Variants in INPP5A observed in about 807,000 individuals in gnomAD.
The protein encoded by INPP5A is inositol polyphosphate-5-phosphatase A.
Under a neutral mutation model 65.2 loss-of-function variants are expected in INPP5A, and 14 were observed. The ratio of observed to expected loss-of-function variants is 0.21; its 90% CI spans 0.14 to 0.34. The LOEUF (loss-of-function observed/expected upper bound fraction) is 0.34, where lower values mean the gene tolerates loss of function less well. Among genes scored for constraint, INPP5A ranks in the 10% least tolerant of loss-of-function variants. The pLI, the probability that INPP5A is intolerant of heterozygous loss-of-function variation, is 1.00. For synonymous variants in INPP5A, 207 were observed against 208.3 expected (o/e 0.99, Z 0.05); for missense variants, 431 against 545.6 (o/e 0.79, Z 2.09).
At position 132,745,221 on chromosome 10, in the gene INPP5A, G is replaced by A. The variant is rs1035345802; in HGVS notation, c.733-4296G>A. 5.9e-5 allele frequency among the ~76,000 whole-genome samples: 9 copies of A among 152,256 alleles called. No homozygotes were observed. In the East Asian group the frequency reaches 7.7e-4, roughly 13 times the overall value. On this transcript the variant is annotated intron_variant, in intron 9 of 15. Transcript: ENST00000368594. ...AGAGGACGGGGTCCTCCATCCCCTC[G>A]CGAGCTCCTGGAGGCCACGATGCTC...
At chr10:132,731,038 C>T (rs1180527255) in intron 9 of INPP5A, among the ~76,000 whole-genome samples, 1 of 152,208 alleles carries the variant, frequency 6.6e-6, no homozygotes, top group African/African-American at 2.4e-5. Flanking sequence ...CTCAGCTGCT[C>T]CCCAGTGCAT....
At chr10:132,736,693 A>G (rs1285273962) in intron 9 of INPP5A, among the ~76,000 whole-genome samples, 1 of 152,230 alleles carries the variant, frequency 6.6e-6, no homozygotes, top group Non-Finnish European at 1.5e-5. Context: ...CCAGCAGCAT[A>G]AGCCCAGGCC....
chr10:132,750,296 G>C (rs539144905), intron 11 of INPP5A, among the ~76,000 whole-genome samples: 1 of 152,256 alleles, frequency 6.6e-6, no homozygotes, highest in African/African-American at 2.4e-5. Flanking sequence ...TAGTGCATGC[G>C]TGTGCACATG....
chr10:132,588,189 A>C (rs536560872), intron 1 of INPP5A, among the ~76,000 whole-genome samples: 2 of 152,192 alleles, frequency 1.3e-5, no homozygotes, highest in Non-Finnish European at 2.9e-5. Context: ...ATTTGATGAA[A>C]GAGGAGGATA....
At chr10:132,709,694 G>A (rs1845601926) in intron 7 of INPP5A, among the ~76,000 whole-genome samples, 1 of 152,208 alleles carries the variant, frequency 6.6e-6, no homozygotes, top group Non-Finnish European at 1.5e-5. Flanking sequence ...GCCTGTGGAG[G>A]ACACGCAGGC....
At chr10:132,681,323 G>A (rs1012468180) in intron 4 of INPP5A, among the ~76,000 whole-genome samples, 20 of 152,202 alleles carry the variant, frequency 1.3e-4, no homozygotes, top group African/African-American at 4.6e-4. Context: ...TTGTTCTTTC[G>A]CTCTTTGCAA....
At chr10:132,657,983 G>A (rs1243998372) in intron 4 of INPP5A, among the ~76,000 whole-genome samples, 6 of 152,248 alleles carry the variant, frequency 3.9e-5, no homozygotes, top group East Asian at 1.9e-4. Flanking sequence ...CTGCAGTCCC[G>A]TGGGACGCGA....
chr10:132,615,405 A>T (rs1231282292), intron 2 of INPP5A, among the ~76,000 whole-genome samples: 1 of 152,170 alleles, frequency 6.6e-6, no homozygotes, highest in Non-Finnish European at 1.5e-5. Context: ...TGGCTTTCAC[A>T]CGTGACTTTT....
chr10:132,715,776 C>A (rs894420508), intron 8 of INPP5A, among the ~76,000 whole-genome samples: 1 of 152,338 alleles, frequency 6.6e-6, no homozygotes, highest in South Asian at 2.1e-4. Flanking sequence ...CCGCTGGCCT[C>A]GGAGAACAGC....
intron 8 of INPP5A, among the ~76,000 whole-genome samples, chr10:132,723,354 T>G (rs1215170514): frequency 2.0e-5 from 3 of 152,178 alleles, no homozygotes; most frequent in Non-Finnish European, 4.4e-5. Flanking sequence ...CTCATTAGAG[T>G]TTGTTCCGTC....
chr10:132,776,939 G>A (rs372110168), intron 12 of INPP5A, among the ~76,000 whole-genome samples: 15 of 152,168 alleles, frequency 9.9e-5, no homozygotes, highest in African/African-American at 1.2e-4. Flanking sequence ...CAGCAAGGCC[G>A]CGGAGGAGCC....
chr10:132,667,398 C>T (rs1459174242), intron 4 of INPP5A, among the ~76,000 whole-genome samples: 1 of 152,214 alleles, frequency 6.6e-6, no homozygotes, highest in African/African-American at 2.4e-5. Context: ...AGGCTCCTCC[C>T]AGTTTTCATC....
intron 2 of INPP5A, among the ~76,000 whole-genome samples, chr10:132,620,959 G>A (rs1397247967): frequency 2.6e-5 from 4 of 152,204 alleles, no homozygotes. Flanking sequence ...TGCAAGCCTG[G>A]TTTAACATTC....
intron 4 of INPP5A, among the ~76,000 whole-genome samples, chr10:132,665,363 T>G (rs1444844130): frequency 6.6e-6 from 1 of 152,252 alleles, no homozygotes; most frequent in East Asian, 1.9e-4. Context: ...CTCGATTCTG[T>G]GTCGCTAATT....
rs75448315 is a variant in INPP5A, at chr10:132,637,862, A to G, written c.118-8006A>G. 0.023 allele frequency among the ~76,000 whole-genome samples: 3,535 copies of G among 152,138 alleles called. 49 individuals carry two copies. The highest frequency in any genetic ancestry group is 0.039 in the South Asian group (190 of 4,812). On this transcript the variant is annotated intron_variant, in intron 2 of 15. Transcript: ENST00000368594. This position sits in a 1 kb window ranked among gnomAD's most constrained non-coding sequence, Gnocchi z 4.1. ...GTTCTGCCTCACGGTCGTTTTCCTC[A>G]GGTCGGGCACGTTTTCCTCAGTTTG... is the stretch of plus-strand genomic sequence containing the variant.
intron 9 of INPP5A, among the ~76,000 whole-genome samples, chr10:132,731,848 G>C (rs1846092437): frequency 6.6e-6 from 1 of 152,216 alleles, no homozygotes; most frequent in African/African-American, 2.4e-5. Flanking sequence ...GGGCGTTCGT[G>C]GGAAATCCAG....
Position 132,782,630 on chromosome 10 carries a change from A to C in INPP5A, c.*601A>C, listed in dbSNP as rs1847187539. 1 of 151,054 alleles carries C rather than the reference A, an allele frequency of 6.6e-6. No individual in the cohort carries two copies. The highest frequency in any genetic ancestry group is 2.1e-4 in the South Asian group (1 of 4,804). 9.4% of individuals were successfully genotyped at this position (151,054 alleles called of 1,614,324 possible). A position where few individuals can be genotyped will look rare whatever the true frequency, so the allele number is the denominator to read the frequency against. On this transcript the variant is annotated 3_prime_UTR_variant, in exon 16 of 16. Transcript: ENST00000368594. The surrounding 1 kb of genome is among the most constrained non-coding windows in gnomAD (Gnocchi z 4.4). ...AATATATATAAATATATACTTTTTAAAAATAATTTATAAATCTTACCAAAA... is the reference window on the plus strand; with the variant it reads ...AATATATATAAATATATACTTTTTACAAATAATTTATAAATCTTACCAAAA...
At chr10:132,641,662 T>G (rs926589222) in intron 2 of INPP5A, among the ~76,000 whole-genome samples, 2 of 152,194 alleles carry the variant, frequency 1.3e-5, no homozygotes, top group Non-Finnish European at 2.9e-5. Flanking sequence ...TGGAGGTAGT[T>G]TGATTTGTGG....
chr10:132,696,071 A>G (rs1845339078), intron 5 of INPP5A, among the ~76,000 whole-genome samples: 1 of 152,194 alleles, frequency 6.6e-6, no homozygotes, highest in Non-Finnish European at 1.5e-5. Flanking sequence ...TCCATGCATG[A>G]GGACACACAC....
Sources: gnomAD v4.1 joint callset for allele counts (sites outside exome capture counted in the v4.1 genomes callset) on GRCh38, gnomAD v4.1.1 for gene constraint, Gnocchi (gnomAD v3.1) non-coding constraint, MANE v1.5 for transcripts, NCBI Gene and HGNC (gene_info 2026-07-23, HGNC 2026-07-21) for gene names.